PLXDC2: variants seen among roughly 807,000 people sequenced by gnomAD.
The protein encoded by PLXDC2 is plexin domain-containing protein 2.
A neutral mutation model predicts 68.9 loss-of-function variants in PLXDC2; 40 were observed. That is an observed-to-expected ratio of 0.58 (90% CI 0.45 to 0.76). The LOEUF (loss-of-function observed/expected upper bound fraction) is 0.76, where lower values mean the gene tolerates loss of function less well. Ranked by LOEUF, PLXDC2 falls within the 30% of genes least tolerant of loss-of-function variation. PLXDC2 has a pLI of 0.00. For synonymous variants in PLXDC2, 243 were observed against 234.2 expected (o/e 1.04, Z -0.34); for missense variants, 644 against 661.9 (o/e 0.97, Z 0.30).
In PLXDC2 at chr10:20,068,027, C is replaced by T. The variant is rs114873456; in HGVS notation, c.472-143C>T. 418 of 628,980 alleles carry T rather than the reference C, an allele frequency of 6.6e-4. 1 individual carries two copies. The highest frequency in any genetic ancestry group is 5.8e-3 in the African/African-American group (309 of 53,582). 39.0% of individuals were successfully genotyped at this position (628,980 alleles called of 1,614,324 possible). A position where few individuals can be genotyped will look rare whatever the true frequency, so the allele number is the denominator to read the frequency against. On this transcript the variant is annotated intron_variant, in intron 3 of 13. Transcript: ENST00000377252. ...CAGAAAAAATATTCTTTAGTACGAC[C>T]GAGGACTCAGGTTTTAAAAGAGAAC...
intron 2 of PLXDC2, among the ~76,000 whole-genome samples, chr10:20,014,177 TTCCC>T (rs66718138): frequency 0.065 from 9,734 of 149,676 alleles, 385 homozygotes; most frequent in Middle Eastern, 0.14. Flanking sequence ...TCTTCCTTCC[TTCCC>T]TCCCTCCCTC....
chr10:20,052,010 G>C (rs567770575), intron 3 of PLXDC2, among the ~76,000 whole-genome samples: 3 of 151,638 alleles, frequency 2.0e-5, no homozygotes, highest in Admixed American at 2.0e-4. Context: ...TATCTACTTT[G>C]TTATCACTCT....
intron 1 of PLXDC2, among the ~76,000 whole-genome samples, chr10:19,963,847 A>C (rs35753797): frequency 8.5e-5 from 13 of 152,080 alleles, no homozygotes; most frequent in East Asian, 3.9e-4. Flanking sequence ...AAAAAAAAAA[A>C]CAAAAAACAA....
intron 1 of PLXDC2, among the ~76,000 whole-genome samples, chr10:19,992,096 A>T (rs1834760626): frequency 6.6e-6 from 1 of 152,242 alleles, no homozygotes; most frequent in South Asian, 2.1e-4. Flanking sequence ...TGGAACCACT[A>T]AACTATCATA....
intron 12 of PLXDC2, among the ~76,000 whole-genome samples, chr10:20,238,662 A>AAATATATATATATATGTATATATATAT (rs1175526348): frequency 2.8e-4 from 9 of 31,734 alleles, no homozygotes; most frequent in Non-Finnish European, 5.3e-4. Flanking sequence ...TCTCAAAAAA[A>AAATATATATATATATGTATATATATAT]ATATATATAT....
rs551908908 is a variant in PLXDC2, at chr10:19,906,697, G to T, written c.112+89506G>T. 2.0e-5 allele frequency among the ~76,000 whole-genome samples: 3 copies of T among 152,290 alleles called. No individual in the cohort carries two copies. In the East Asian group the frequency reaches 5.8e-4, roughly 29 times the overall value. On this transcript the variant is annotated intron_variant, in intron 1 of 13. Coordinates refer to ENST00000377252, the MANE Select transcript of PLXDC2 (RefSeq NM_032812.9). ...AATCCAGGAAGGGGCAGTTTCTCCT[G>T]AGTCAGAAGGCCCCAGCACCAAAAA... is the stretch of plus-strand genomic sequence containing the variant.
chr10:20,023,777 T>TG (rs1554853626), intron 2 of PLXDC2, among the ~76,000 whole-genome samples: 1 of 151,874 alleles, frequency 6.6e-6, no homozygotes, highest in Admixed American at 6.6e-5. Context: ...AATGTTTTAT[T>TG]AAAAAAACCC....
intron 13 of PLXDC2, among the ~76,000 whole-genome samples, chr10:20,249,406 T>C (rs1313218794): frequency 1.3e-5 from 2 of 152,178 alleles, no homozygotes; most frequent in African/African-American, 2.4e-5. Flanking sequence ...AAGTCAGAAG[T>C]GCTAAAATCA....
intron 13 of PLXDC2, among the ~76,000 whole-genome samples, chr10:20,246,906 G>T (rs1280481616): frequency 6.6e-6 from 1 of 152,062 alleles, no homozygotes; most frequent in African/African-American, 2.4e-5. Context: ...ATAATGGGGA[G>T]GGGTGAATAA....
intron 1 of PLXDC2, among the ~76,000 whole-genome samples, chr10:19,914,353 A>G (rs1375230386): frequency 6.6e-6 from 1 of 152,200 alleles, no homozygotes; most frequent in African/African-American, 2.4e-5. Flanking sequence ...CTTCATTACC[A>G]TATGCAATCA....
chr10:20,023,280 T>C (rs4636557), intron 2 of PLXDC2, among the ~76,000 whole-genome samples: 103,107 of 151,794 alleles, frequency 0.68, 36,345 homozygotes, highest in East Asian at 0.88. Context: ...ATTCACATTT[T>C]ACTCTTTGGG....
chr10:20,250,058 C>A (rs373468743), intron 13 of PLXDC2, among the ~76,000 whole-genome samples: 1 of 151,842 alleles, frequency 6.6e-6, no homozygotes, highest in Non-Finnish European at 1.5e-5. Context: ...ACTTGAGGTC[C>A]GGAGTTCGAG....
chr10:20,247,732 G>T (rs1243676011), intron 13 of PLXDC2, among the ~76,000 whole-genome samples: 1 of 152,198 alleles, frequency 6.6e-6, no homozygotes, highest in African/African-American at 2.4e-5. Flanking sequence ...AGTGCCTTAA[G>T]ATTTGGATTA....
intron 1 of PLXDC2, among the ~76,000 whole-genome samples, chr10:19,834,607 G>C (rs1836756042): frequency 6.6e-6 from 1 of 152,168 alleles, no homozygotes; most frequent in African/African-American, 2.4e-5. Context: ...TTATCTAATT[G>C]GATTAGCCTA....
At chr10:19,917,380 C>G (rs116555420) in intron 1 of PLXDC2, among the ~76,000 whole-genome samples, 2,198 of 152,148 alleles carry the variant, frequency 0.014, 63 homozygotes, top group African/African-American at 0.05. Context: ...AATATATTTT[C>G]CATGATACTT....
At chr10:20,065,254 T>A (rs11011769) in intron 3 of PLXDC2, among the ~76,000 whole-genome samples, 54,482 of 152,046 alleles carry the variant, frequency 0.36, 11,334 homozygotes, top group East Asian at 0.7. Context: ...GAACTAAAAG[T>A]TGTTGCCTAT....
In PLXDC2 at chr10:20,164,541, T is replaced by C. The variant is rs762887694; in HGVS notation, c.857T>C (p.Val286Ala). The change falls in exon 7 of 14, where the codon GTT becomes GCT. Residue 286 changes from valine to alanine, a missense_variant. Val to Ala is a moderately conservative substitution (Grantham distance 64). Coordinates refer to ENST00000377252, the MANE Select transcript of PLXDC2 (RefSeq NM_032812.9). Reference protein sequence around the residue: ...VKVGLSDAFVVVHRIQQIPNV... With the variant: ...VKVGLSDAFVAVHRIQQIPNV... ...GTCGGACTGTCCGATGCATTTGTCG[T>C]TGTCCACAGGATCCAACAAATTCCC... The C allele has an allele frequency of 3.1e-5, 50 of 1,613,218 alleles. No homozygotes were observed. The highest frequency in any genetic ancestry group is 4.1e-5 in the Non-Finnish European group (48 of 1,179,456).
intron 13 of PLXDC2, 78 bp from the exon 14 acceptor site, chr10:20,279,625 A>G (rs562995063): frequency 4.2e-4 from 448 of 1,074,294 alleles, no homozygotes; most frequent in Non-Finnish European, 6.2e-4. Context: ...TTAATCTAAA[A>G]TAGCTAGCAA....
intron 1 of PLXDC2, among the ~76,000 whole-genome samples, chr10:19,865,872 C>T (rs1486354211): frequency 2.0e-5 from 3 of 152,096 alleles, no homozygotes; most frequent in Non-Finnish European, 1.5e-5. Flanking sequence ...AATATGATGC[C>T]CTTAAATCCT....
Sources: allele counts gnomAD v4.1 joint callset (sites outside exome capture counted in the v4.1 genomes callset), GRCh38; gene constraint gnomAD v4.1.1; transcripts MANE v1.5; gene names NCBI Gene and HGNC (gene_info 2026-07-23, HGNC 2026-07-21).